The following DIAPH3 variants were observed in gnomAD, a reference collection of about 807,000 sequenced individuals.
DIAPH3 encodes diaphanous related formin 3, also known as protein diaphanous homolog 3.
DIAPH3 carries 117 observed loss-of-function variants against 144.3 expected under a neutral mutation model. That is an observed-to-expected ratio of 0.81 (90% CI 0.70 to 0.95). The LOEUF (loss-of-function observed/expected upper bound fraction) is 0.95, where lower values mean the gene tolerates loss of function less well. Among genes scored for constraint, DIAPH3 ranks in the 40% least tolerant of loss-of-function variants. The pLI is 0.00. For missense variants in DIAPH3, 1,421 were observed against 1,412.7 expected, an observed-to-expected ratio of 1.01 and a Z score of -0.09; for synonymous variants, 519 against 488.9, an observed-to-expected ratio of 1.06 and a Z score of -0.81.
intron 1 of DIAPH3, among the ~76,000 whole-genome samples, chr13:60,156,392 TCAAA>T (rs1202547631): frequency 6.6e-6 from 1 of 152,132 alleles, no homozygotes; most frequent in Non-Finnish European, 1.5e-5. Flanking sequence ...AGTATGAAAC[TCAAA>T]CAAGGGCCAG....
chr13:59,849,793 C>T (rs1261167602), intron 22 of DIAPH3, among the ~76,000 whole-genome samples: 6 of 95,020 alleles, frequency 6.3e-5, no homozygotes, highest in Non-Finnish European at 6.3e-5. Context: ...ATTGACTTGG[C>T]GATGCGGGCT....
At chr13:59,683,253 TGAGTA>T (rs955779799) in intron 27 of DIAPH3, among the ~76,000 whole-genome samples, 2 of 152,280 alleles carry the variant, frequency 1.3e-5, no homozygotes, top group East Asian at 1.9e-4. Flanking sequence ...TGGATTGTGT[TGAGTA>T]GTCAGTCAAA....
chr13:59,871,609 C>T (rs79462837), intron 21 of DIAPH3, among the ~76,000 whole-genome samples: 5,811 of 152,142 alleles, frequency 0.038, 125 homozygotes, highest in Non-Finnish European at 0.049. Context: ...AATGTCGCAC[C>T]CAGCCAGGAT....
At chr13:59,835,151 A>C (rs964048133) in intron 23 of DIAPH3, among the ~76,000 whole-genome samples, 3 of 151,770 alleles carry the variant, frequency 2.0e-5, no homozygotes, top group Non-Finnish European at 4.4e-5. Context: ...ATTCAGTCCT[A>C]TGTGTCTAAT....
At chr13:59,766,522 C>T (rs1033029905) in intron 27 of DIAPH3, among the ~76,000 whole-genome samples, 1 of 152,132 alleles carries the variant, frequency 6.6e-6, no homozygotes, top group Non-Finnish European at 1.5e-5. Flanking sequence ...TCTGCATCCA[C>T]TTCTGTTCAA....
chr13:59,899,409 GA>G (rs2046311318), intron 20 of DIAPH3, among the ~76,000 whole-genome samples: 1 of 152,104 alleles, frequency 6.6e-6, no homozygotes, highest in African/African-American at 2.4e-5. Flanking sequence ...AAGGACCTGT[GA>G]AAAAAGACCA....
chr13:60,076,358 T>G (rs2057381630), intron 4 of DIAPH3, among the ~76,000 whole-genome samples: 2 of 152,184 alleles, frequency 1.3e-5, no homozygotes, highest in Admixed American at 1.3e-4. Flanking sequence ...TTCCATTTCT[T>G]AAATTACTGT....
intron 27 of DIAPH3, among the ~76,000 whole-genome samples, chr13:59,735,757 C>CT (rs927542681): frequency 2.2e-4 from 34 of 151,756 alleles, no homozygotes; most frequent in Admixed American, 5.3e-4. Flanking sequence ...TGCCTAATTT[C>CT]TTTTTTTTGT....
At chr13:60,012,031 G>T (rs1447999212) in intron 7 of DIAPH3, among the ~76,000 whole-genome samples, 1 of 152,036 alleles carries the variant, frequency 6.6e-6, no homozygotes, top group Non-Finnish European at 1.5e-5. Context: ...ACTAATCAGA[G>T]TTACTACCAA....
chr13:60,067,585 A>T (rs922588721), intron 4 of DIAPH3, among the ~76,000 whole-genome samples: 2 of 152,162 alleles, frequency 1.3e-5, no homozygotes, highest in Non-Finnish European at 1.5e-5. Context: ...CCATCTTCAA[A>T]CTATGCCTGG....
chr13:59,763,456 C>G (rs1310853573), intron 27 of DIAPH3, among the ~76,000 whole-genome samples: 3 of 151,964 alleles, frequency 2.0e-5, no homozygotes, highest in African/African-American at 7.3e-5. Context: ...GCGGGAGAAT[C>G]ATTTGAACTC....
At chr13:59,822,005 C>A (rs1352863011) in intron 24 of DIAPH3, among the ~76,000 whole-genome samples, 1 of 152,150 alleles carries the variant, frequency 6.6e-6, no homozygotes, top group African/African-American at 2.4e-5. Context: ...GGTAAAACAA[C>A]AAATTACTTA....
rs1039912409 is a variant in DIAPH3, at chr13:59,981,690, A to G, written c.1481-831T>C. ...ACATGAACAAAGTTTATAAAAATATATTACAGAAGAATTTATAATAAAAAA... is the reference window on the plus strand; with the variant it reads ...ACATGAACAAAGTTTATAAAAATATGTTACAGAAGAATTTATAATAAAAAA... On this transcript the variant is annotated intron_variant, in intron 13 of 27. Coordinates refer to ENST00000400324, the MANE Select transcript of DIAPH3 (RefSeq NM_001042517.2). Among the ~76,000 whole-genome samples the G allele has an allele frequency of 2.0e-5, 3 of 151,386 alleles. No homozygotes were observed. In the Admixed American group the frequency reaches 2.0e-4, roughly 10 times the overall value.
chr13:60,140,484 A>G (rs1566817137), intron 1 of DIAPH3, among the ~76,000 whole-genome samples: 1 of 152,204 alleles, frequency 6.6e-6, no homozygotes, highest in Admixed American at 6.5e-5. Context: ...TATGAACTAT[A>G]ATGACATGGA....
At chr13:59,838,913 A>G (rs1256788962) in intron 23 of DIAPH3, 1 of 173,752 alleles carries the variant, frequency 5.8e-6, no homozygotes, top group African/African-American at 2.4e-5. Context: ...GGTCGATACC[A>G]GTCTGGCGAA....
At chr13:59,714,036 T>A (rs1220978157) in intron 27 of DIAPH3, among the ~76,000 whole-genome samples, 1 of 151,758 alleles carries the variant, frequency 6.6e-6, no homozygotes, top group Non-Finnish European at 1.5e-5. Context: ...AGTAACACAG[T>A]GAGGTCCCAT....
intron 25 of DIAPH3, among the ~76,000 whole-genome samples, chr13:59,781,486 G>A (rs1464685975): frequency 2.0e-5 from 3 of 152,216 alleles, no homozygotes; most frequent in Non-Finnish European, 4.4e-5. Context: ...GGACAAGAGA[G>A]CAAAGTGGCA....
At chr13:59,802,676 T>TTA (rs1396992285) in intron 25 of DIAPH3, among the ~76,000 whole-genome samples, 10 of 64,090 alleles carry the variant, frequency 1.6e-4, no homozygotes, top group Non-Finnish European at 2.3e-4. Flanking sequence ...TATTTTTTTT[T>TTA]TTTTTTTTTT....
chr13:60,042,250 A>T (rs535626646), intron 5 of DIAPH3, among the ~76,000 whole-genome samples: 16 of 152,272 alleles, frequency 1.1e-4, no homozygotes, highest in African/African-American at 3.6e-4. Context: ...CTGTACTTTT[A>T]TTTGGTAAAT....
Sources: gnomAD v4.1 joint callset for allele counts (sites outside exome capture counted in the v4.1 genomes callset) on GRCh38, gnomAD v4.1.1 for gene constraint, MANE v1.5 for transcripts, NCBI Gene and HGNC (gene_info 2026-07-23, HGNC 2026-07-21) for gene names.